Variants in CPSF7 observed in about 807,000 individuals in gnomAD.
CPSF7 encodes the protein cleavage and polyadenylation specificity factor subunit 7.
In CPSF7, 1 loss-of-function variant was observed where a neutral mutation model predicts 44.3. The observed-to-expected ratio is 0.02, with a 90% CI of 0.01 to 0.11. The LOEUF (loss-of-function observed/expected upper bound fraction) is 0.11. CPSF7 is among the 10% of genes least tolerant of loss of function. CPSF7 has a pLI of 1.00. For missense variants in CPSF7, 443 were observed against 607.2 expected, an observed-to-expected ratio of 0.73 and a Z score of 2.84; for synonymous variants, 202 against 222.0, an observed-to-expected ratio of 0.91 and a Z score of 0.80.
At chr11:61,420,355 A>G in intron 4 of CPSF7, 115 bp downstream of exon 4, 2 of 961,940 alleles carry the variant, frequency 2.1e-6, no homozygotes, top group Non-Finnish European at 3.2e-6. Context: ...GCCAAAACCA[A>G]GGCAGTAAGC....
At chr11:61,429,040 A>G in intron 2 of CPSF7, 142 bp downstream of exon 2, 1 of 554,166 alleles carries the variant, frequency 1.8e-6, no homozygotes. Flanking sequence ...TAGTCTTTAA[A>G]GTTTCTGCAG....
intron 2 of CPSF7, among the ~76,000 whole-genome samples, chr11:61,422,871 G>A (rs1026742135): frequency 6.6e-6 from 1 of 151,742 alleles, no homozygotes; most frequent in African/African-American, 2.4e-5. Flanking sequence ...AGTGGCTCAC[G>A]CCTTGTATCC....
At chr11:61,422,075 A>AAAAGCATGAAAGTG (rs1860934148) in intron 2 of CPSF7, among the ~76,000 whole-genome samples, 1 of 152,266 alleles carries the variant, frequency 6.6e-6, no homozygotes, top group Non-Finnish European at 1.5e-5. Context: ...AATGCAGAGG[A>AAAAGCATGAAAGTG]AAAGCATGAA....
At chr11:61,422,347 T>C (rs1252599117) in intron 2 of CPSF7, among the ~76,000 whole-genome samples, 2 of 151,904 alleles carry the variant, frequency 1.3e-5, no homozygotes, top group Non-Finnish European at 2.9e-5. Flanking sequence ...AGGGTCTCAC[T>C]TTGTCACCCA....
chr11:61,419,892 C>T (rs745800857), intron 5 of CPSF7, 57 bp downstream of exon 5: 4 of 1,589,616 alleles, frequency 2.5e-6, no homozygotes, highest in African/African-American at 1.4e-5. Context: ...CCACAAACAC[C>T]CCCCCCTCAT....
chr11:61,417,487 G>GC (rs1860447089), intron 5 of CPSF7, among the ~76,000 whole-genome samples: 1 of 152,188 alleles, frequency 6.6e-6, no homozygotes, highest in Admixed American at 6.5e-5. Context: ...CATGGCTTTG[G>GC]GGGGGTCTTG....
At chr11:61,421,123 T>C (rs1268952824) in intron 3 of CPSF7, 5 of 1,414,914 alleles carry the variant, frequency 3.5e-6, no homozygotes, top group Non-Finnish European at 3.7e-6. Flanking sequence ...GTCCCTCAGA[T>C]GACCCTGCTA....
At chr11:61,426,178 T>C (rs1861320207) in intron 2 of CPSF7, among the ~76,000 whole-genome samples, 1 of 152,208 alleles carries the variant, frequency 6.6e-6, no homozygotes, top group South Asian at 2.1e-4. Context: ...TAATTTTCCT[T>C]GAGGAGCAAA....
intron 7 of CPSF7, among the ~76,000 whole-genome samples, chr11:61,412,608 T>C (rs1393085228): frequency 1.3e-5 from 2 of 152,174 alleles, no homozygotes; most frequent in African/African-American, 4.8e-5. Context: ...TGTTATATTA[T>C]CTTCAATAGG....
rs752006554 is a variant in CPSF7 at position 61,416,430 on chromosome 11, G to A, written c.613C>T (p.Arg205Cys). ...PSENLVPSSA[R>C]VDKPPSVLPY... Reference sequence around the variant, plus strand: ...AGCACACTGGGGGGCTTATCCACACGAGCAGATGAGGGTACAAGGTTCTCA... The same window carrying A: ...AGCACACTGGGGGGCTTATCCACACAAGCAGATGAGGGTACAAGGTTCTCA... Residue 205 changes from arginine (R) to cysteine (C), a missense_variant, in exon 6 of 10, where the codon CGT becomes TGT. By Grantham distance (180) the Arg-to-Cys change is radical. Coordinates refer to ENST00000439958, the MANE Select transcript of CPSF7 (RefSeq NM_001142565.3). 8.1e-6 allele frequency: 13 copies of A among 1,613,912 alleles called. No homozygotes were observed. The highest frequency in any genetic ancestry group is 4.0e-5 in the African/African-American group (3 of 74,890).
intron 9 of CPSF7, among the ~76,000 whole-genome samples, chr11:61,409,136 C>T (rs1019790878): frequency 6.6e-6 from 1 of 151,852 alleles, no homozygotes; most frequent in Middle Eastern, 3.4e-3. Context: ...CAGAGTGAGA[C>T]AATGTGTCTA....
At chr11:61,429,408 G>A in intron 1 of CPSF7, 118 bp from the exon 2 acceptor site, 1 of 632,564 alleles carries the variant, frequency 1.6e-6, no homozygotes, top group Non-Finnish European at 2.7e-6. Context: ...CCCCAGCTCG[G>A]CCCCACCCGC....
chr11:61,415,073 C>CA (rs201215438), intron 7 of CPSF7, among the ~76,000 whole-genome samples: 6 of 151,812 alleles, frequency 4.0e-5, no homozygotes, highest in Admixed American at 6.6e-5. Context: ...CCTGTCTCTA[C>CA]AAAAAAATAC....
intron 5 of CPSF7, among the ~76,000 whole-genome samples, chr11:61,417,728 A>G (rs991606886): frequency 1.3e-5 from 2 of 152,230 alleles, no homozygotes; most frequent in East Asian, 3.9e-4. Flanking sequence ...ACAAAAAGGT[A>G]TAAGGCAAGT....
chr11:61,428,177 G>A (rs1019309440), intron 2 of CPSF7, among the ~76,000 whole-genome samples: 2 of 152,186 alleles, frequency 1.3e-5, no homozygotes, highest in Non-Finnish European at 2.9e-5. Flanking sequence ...ATTTCTTTGA[G>A]AGAATTTTTC....
At chr11:61,410,653 A>G (rs1859770643) in intron 9 of CPSF7, 1 of 258,700 alleles carries the variant, frequency 3.9e-6, no homozygotes, top group Non-Finnish European at 7.3e-6. Flanking sequence ...ATGGCCAATT[A>G]TTAGTGGAGA....
intron 2 of CPSF7, among the ~76,000 whole-genome samples, chr11:61,427,992 C>G (rs1426948463): frequency 1.3e-5 from 2 of 152,202 alleles, no homozygotes; most frequent in African/African-American, 4.8e-5. Flanking sequence ...AATACATGCT[C>G]TTACCAGGTC....
intron 7 of CPSF7, 101 bp from the exon 8 acceptor site, chr11:61,412,038 C>T (rs535688065): frequency 1.3e-5 from 13 of 1,017,608 alleles, no homozygotes; most frequent in African/African-American, 9.5e-5. Flanking sequence ...AGTAGCTAGC[C>T]GTCCCAAACA....
intron 2 of CPSF7, chr11:61,427,147 C>G (rs371362163): frequency 6.6e-6 from 1 of 151,018 alleles, no homozygotes; most frequent in Non-Finnish European, 1.5e-5. Context: ...ACCTATAATC[C>G]CAACAGTTTG....
Sources: allele counts gnomAD v4.1 joint callset (sites outside exome capture counted in the v4.1 genomes callset), GRCh38; gene constraint gnomAD v4.1.1; transcripts MANE v1.5; gene names NCBI Gene and HGNC (gene_info 2026-07-23, HGNC 2026-07-21).